The following ZRANB3 variants were observed in gnomAD, a reference collection of about 807,000 sequenced individuals.
The protein encoded by ZRANB3 is zinc finger RANBP2-type containing 3, also known as DNA annealing helicase and endonuclease ZRANB3.
Under a neutral mutation model 133.8 loss-of-function variants are expected in ZRANB3, and 125 were observed. That is an observed-to-expected ratio of 0.93 (90% CI 0.81 to 1.08). ZRANB3 has a LOEUF of 1.08. ZRANB3 is among the 50% of genes least tolerant of loss of function. The pLI is 0.00. For missense variants in ZRANB3, 1,229 were observed against 1,275.5 expected, an observed-to-expected ratio of 0.96 and a Z score of 0.56; for synonymous variants, 387 against 432.7, an observed-to-expected ratio of 0.89 and a Z score of 1.31.
At chr2:135,369,357 T>C (rs1053057134) in intron 3 of ZRANB3, among the ~76,000 whole-genome samples, 4 of 152,164 alleles carry the variant, frequency 2.6e-5, no homozygotes, top group Non-Finnish European at 2.9e-5. Flanking sequence ...ATATATTTTA[T>C]TAATAGTTTG....
chr2:135,378,671 G>A (rs1384383044), intron 3 of ZRANB3, among the ~76,000 whole-genome samples: 2 of 152,150 alleles, frequency 1.3e-5, no homozygotes, highest in African/African-American at 4.8e-5. Context: ...AACATTAACA[G>A]TGATAAATCA....
At chr2:135,385,628 A>T (rs1271917034) in intron 3 of ZRANB3, among the ~76,000 whole-genome samples, 1 of 152,244 alleles carries the variant, frequency 6.6e-6, no homozygotes, top group East Asian at 1.9e-4. Flanking sequence ...TGGTAGTGGT[A>T]CCAAAACAGA....
intron 1 of ZRANB3, among the ~76,000 whole-genome samples, chr2:135,525,596 C>A (rs1287897832): frequency 6.6e-6 from 1 of 152,144 alleles, no homozygotes; most frequent in South Asian, 2.1e-4. Context: ...GCCTGTAATC[C>A]CAGCACTGTG....
chr2:135,474,919 T>C (rs1691439552), intron 2 of ZRANB3, among the ~76,000 whole-genome samples: 1 of 152,098 alleles, frequency 6.6e-6, no homozygotes, highest in South Asian at 2.1e-4. Context: ...AGAATTGAGA[T>C]GCAACTCAAA....
chr2:135,349,837 T>C (rs1685116428), intron 5 of ZRANB3, 147 bp downstream of exon 5: 2 of 624,198 alleles, frequency 3.2e-6, no homozygotes, highest in South Asian at 3.9e-5. Flanking sequence ...TGATAAAACA[T>C]ACGTACTATC....
intron 8 of ZRANB3, among the ~76,000 whole-genome samples, chr2:135,283,380 G>A (rs938785330): frequency 1.3e-5 from 2 of 152,150 alleles, no homozygotes; most frequent in African/African-American, 4.8e-5. Flanking sequence ...GGAGGCTGAG[G>A]CAGGTGGATC....
At chr2:135,332,123 A>G (rs1383109382) in intron 6 of ZRANB3, among the ~76,000 whole-genome samples, 13 of 152,184 alleles carry the variant, frequency 8.5e-5, no homozygotes, top group African/African-American at 2.9e-4. Context: ...GAAATAAAAA[A>G]TGAAAACAGT....
At chr2:135,251,598 T>C (rs1336410017) in intron 12 of ZRANB3, among the ~76,000 whole-genome samples, 1 of 152,148 alleles carries the variant, frequency 6.6e-6, no homozygotes, top group East Asian at 1.9e-4. Context: ...AGTGAATAAG[T>C]CTCATGAGAC....
intron 15 of ZRANB3, among the ~76,000 whole-genome samples, chr2:135,220,854 A>ATTTTTTT (rs199874707): frequency 6.9e-6 from 1 of 144,960 alleles, no homozygotes; most frequent in Admixed American, 6.9e-5. Context: ...TGAACTAGGA[A>ATTTTTTT]TTTATTTTTT....
At chr2:135,219,700 A>C (rs1694456412) in intron 15 of ZRANB3, among the ~76,000 whole-genome samples, 1 of 152,184 alleles carries the variant, frequency 6.6e-6, no homozygotes, top group Admixed American at 6.5e-5. Flanking sequence ...AGGAACAAGG[A>C]AGTAAAGAGA....
intron 8 of ZRANB3, among the ~76,000 whole-genome samples, chr2:135,305,043 C>T (rs986124984): frequency 2.0e-5 from 3 of 152,054 alleles, no homozygotes; most frequent in Non-Finnish European, 2.9e-5. Context: ...GTGGTGCGAT[C>T]TCGGCTCACT....
At chr2:135,491,990 AAC>A (rs933291301) in intron 2 of ZRANB3, among the ~76,000 whole-genome samples, 1 of 152,196 alleles carries the variant, frequency 6.6e-6, no homozygotes. Context: ...TAAAATAGAG[AAC>A]AGAGTATATT....
intron 7 of ZRANB3, among the ~76,000 whole-genome samples, chr2:135,314,587 G>A (rs1273321278): frequency 6.6e-6 from 1 of 152,162 alleles, no homozygotes; most frequent in Non-Finnish European, 1.5e-5. Flanking sequence ...CTGATATACT[G>A]AATTTCACGT....
rs549102536 is a variant in ZRANB3, at chr2:135,199,924, G to A, written c.*418C>T. On this transcript the variant is annotated 3_prime_UTR_variant, in exon 21 of 21. Transcript: ENST00000264159. ...CCAGAATTCCCAAATAATGATTTGCGTCTGAAATTTCCCATAAGGTTTTGC... is the reference window on the plus strand; with the variant it reads ...CCAGAATTCCCAAATAATGATTTGCATCTGAAATTTCCCATAAGGTTTTGC... 5.8e-5 allele frequency: 11 copies of A among 188,400 alleles called. No homozygotes were observed. Among genetic ancestry groups the A allele is most frequent in the African/African-American group, 1.2e-4 (5 of 41,790 alleles). 11.7% of individuals were successfully genotyped at this position (188,400 alleles called of 1,614,324 possible).
intron 12 of ZRANB3, among the ~76,000 whole-genome samples, chr2:135,251,652 T>C (rs1000979308): frequency 3.3e-5 from 5 of 152,172 alleles, no homozygotes; most frequent in African/African-American, 9.7e-5. Flanking sequence ...TCCTTCTCAT[T>C]TTCTCTTGCC....
At chr2:135,391,541 T>C (rs945781611) in intron 2 of ZRANB3, among the ~76,000 whole-genome samples, 2 of 152,134 alleles carry the variant, frequency 1.3e-5, no homozygotes, top group Admixed American at 1.3e-4. Flanking sequence ...TACATAACTA[T>C]ATATGCTAAG....
At chr2:135,321,391 G>A (rs1306848824) in intron 6 of ZRANB3, among the ~76,000 whole-genome samples, 2 of 151,758 alleles carry the variant, frequency 1.3e-5, no homozygotes, top group East Asian at 3.9e-4. Flanking sequence ...TTTGACTTCT[G>A]TATATCGCCT....
chr2:135,252,377 G>C (rs983536707), intron 12 of ZRANB3, among the ~76,000 whole-genome samples: 3 of 151,972 alleles, frequency 2.0e-5, no homozygotes, highest in Admixed American at 1.3e-4. Flanking sequence ...AGATTAAAAA[G>C]ATTATTTTGT....
chr2:135,275,627 G>C lies in ZRANB3; in HGVS notation c.1086+9C>G. On this transcript the variant is annotated intron_variant, in intron 9 of 20. Transcript: ENST00000264159. The stretch of plus-strand genomic sequence containing the variant: ...CTAAAAAGTATTTAGTTAAAAAATG[G>C]CAACATACCTTATTTTCGATGACTG... 7 of 1,566,682 alleles carry C rather than the reference G, an allele frequency of 4.5e-6. No homozygotes were observed. The highest frequency in any genetic ancestry group is 6.1e-6 in the Non-Finnish European group (7 of 1,155,216).
Sources: gnomAD v4.1 joint callset for allele counts (sites outside exome capture counted in the v4.1 genomes callset) on GRCh38, gnomAD v4.1.1 for gene constraint, MANE v1.5 for transcripts, NCBI Gene and HGNC (gene_info 2026-07-23, HGNC 2026-07-21) for gene names.